The following SPMIP8 variants were observed in gnomAD, a reference collection of about 807,000 sequenced individuals.
SPMIP8 encodes sperm microtubule inner protein 8.
chr16:57,984,767 G>C, the SPMIP8 span: 2 of 1,608,462 alleles, frequency 1.2e-6, no homozygotes, highest in Non-Finnish European at 1.7e-6. Flanking sequence ...CCCACTTCGT[G>C]TCCTCGGCCG....
the SPMIP8 span, chr16:57,978,124 C>G: frequency 6.9e-7 from 1 of 1,441,260 alleles, no homozygotes; most frequent in Non-Finnish European, 9.4e-7. Flanking sequence ...ATGAAAGAGG[C>G]CAGTCCCAGC....
At chr16:57,987,349 C>G in the SPMIP8 span, 3 of 1,489,700 alleles carry the variant, frequency 2.0e-6, no homozygotes, top group African/African-American at 2.9e-5. Context: ...GATTTTTCCC[C>G]TAGGACACCC....
chr16:57,976,692 G>C, the SPMIP8 span: 14 of 1,597,024 alleles, frequency 8.8e-6, no homozygotes, highest in Non-Finnish European at 1.1e-5. Flanking sequence ...CCCCCTCCCT[G>C]TCCCTCCCCA....
chr16:57,981,371 C>A, the SPMIP8 span, among the ~76,000 whole-genome samples: 2 of 63,244 alleles, frequency 3.2e-5, no homozygotes, highest in Non-Finnish European at 1.0e-4. Flanking sequence ...CAGAGTGACA[C>A]TCCGTCTCAA....
the SPMIP8 span, among the ~76,000 whole-genome samples, chr16:57,979,034 C>T: frequency 6.6e-6 from 1 of 152,228 alleles, no homozygotes; most frequent in Non-Finnish European, 1.5e-5. Context: ...AGAAAGACCT[C>T]TCCTCACAGC....
chr16:57,981,407 A>ATTATTATAATTATTATTATT, the SPMIP8 span, among the ~76,000 whole-genome samples: 2 of 56,394 alleles, frequency 3.5e-5, no homozygotes, highest in African/African-American at 7.7e-5. Context: ...TTATTATTAT[A>ATTATTATAATTATTATTATT]ATAATAATTA....
the SPMIP8 span, chr16:57,978,098 G>T: frequency 6.5e-7 from 1 of 1,535,568 alleles, no homozygotes; most frequent in Non-Finnish European, 8.8e-7. Context: ...CAGGAAAGAG[G>T]GAGACAGATG....
the SPMIP8 span, chr16:57,984,691 C>T: frequency 6.3e-7 from 1 of 1,595,324 alleles, no homozygotes; most frequent in South Asian, 1.1e-5. Context: ...GGAAAGCTGG[C>T]GCCCATCGCG....
chr16:57,984,065 G>A, the SPMIP8 span, among the ~76,000 whole-genome samples: 2 of 151,458 alleles, frequency 1.3e-5, no homozygotes, highest in East Asian at 3.9e-4. Flanking sequence ...CACCATGCCT[G>A]GCTAATTTTT....
chr16:57,980,238 C>T, the SPMIP8 span, among the ~76,000 whole-genome samples: 1 of 152,088 alleles, frequency 6.6e-6, no homozygotes, highest in East Asian at 1.9e-4. Flanking sequence ...AAAGGGTTGG[C>T]TAAACATACA....
At chr16:57,976,560 G>A in the SPMIP8 span, 1 of 1,614,056 alleles carries the variant, frequency 6.2e-7, no homozygotes, top group Non-Finnish European at 8.5e-7. Flanking sequence ...TGCCCATTGA[G>A]CAGTCAAAGA....
the SPMIP8 span, among the ~76,000 whole-genome samples, chr16:57,979,699 G>A: frequency 1.3e-5 from 2 of 151,694 alleles, no homozygotes; most frequent in African/African-American, 4.9e-5. Context: ...TCTCTCCCTG[G>A]TTTACTAATG....
chr16:57,986,129 C>T, the SPMIP8 span: 1 of 634,450 alleles, frequency 1.6e-6, no homozygotes, highest in Admixed American at 4.0e-5. Flanking sequence ...ATGTGCAGCC[C>T]ACTGGGGTGG....
chr16:57,981,937 G>T, the SPMIP8 span, among the ~76,000 whole-genome samples: 1 of 151,988 alleles, frequency 6.6e-6, no homozygotes, highest in East Asian at 1.9e-4. Flanking sequence ...GGTTTTGGGG[G>T]ATCCCCTTAG....
chr16:57,985,451 A>C, the SPMIP8 span: 4 of 1,613,626 alleles, frequency 2.5e-6, no homozygotes, highest in South Asian at 4.4e-5. Flanking sequence ...CCCCCGACTC[A>C]CCGCGCCCCT....
At chr16:57,984,599 T>A in the SPMIP8 span, 1 of 1,517,208 alleles carries the variant, frequency 6.6e-7, no homozygotes, top group African/African-American at 1.4e-5. Context: ...CTCCTGCGGC[T>A]ACGGCCGCGC....
the SPMIP8 span, chr16:57,986,107 C>G: frequency 1.3e-6 from 1 of 789,878 alleles, no homozygotes; most frequent in Non-Finnish European, 1.8e-6. Flanking sequence ...TGGAGAGATC[C>G]GCCCCTGGCA....
At chr16:57,985,659 A>G in the SPMIP8 span, 39 of 1,409,582 alleles carry the variant, frequency 2.8e-5, no homozygotes, top group Non-Finnish European at 3.6e-5. Context: ...ACTGGGAAAA[A>G]TTGGCTCCAA....
chr16:57,984,409 G>C, the SPMIP8 span: 1 of 1,586,754 alleles, frequency 6.3e-7, no homozygotes, highest in Non-Finnish European at 8.6e-7. Flanking sequence ...AGGGGCACCA[G>C]CCCCAAGCAC....
Sources: allele counts gnomAD v4.1 joint callset (sites outside exome capture counted in the v4.1 genomes callset), GRCh38; gene constraint gnomAD v4.1.1; transcripts MANE v1.5; gene names NCBI Gene and HGNC (gene_info 2026-07-23, HGNC 2026-07-21).